Variants in KHDC1 observed in about 807,000 individuals in gnomAD.
The protein encoded by KHDC1 is KH domain containing 1, also known as KH homology domain-containing protein 1.
KHDC1 carries 21 observed loss-of-function variants against 24.7 expected under a neutral mutation model. The observed-to-expected ratio is 0.85, with a 90% CI of 0.60 to 1.23. The LOEUF is 1.23. Ranked by LOEUF, KHDC1 falls within the 50% of genes most tolerant of loss-of-function variation. KHDC1 has a pLI of 0.00. For missense variants in KHDC1, 274 were observed against 298.5 expected (o/e 0.92, Z 0.61); for synonymous variants, 98 against 111.7 (o/e 0.88, Z 0.77).
At chr6:73,265,602 G>A (rs1010989207) in intron 2 of KHDC1, among the ~76,000 whole-genome samples, 34 of 151,164 alleles carry the variant, frequency 2.2e-4, no homozygotes, top group Non-Finnish European at 1.5e-5. Flanking sequence ...TGGGAATGGA[G>A]ACTAAGGGCT....
chr6:73,276,257 C>A (rs1210695909), intron 2 of KHDC1: 1 of 152,050 alleles, frequency 6.6e-6, no homozygotes, highest in African/African-American at 2.4e-5. Context: ...GAGGCTGAGG[C>A]AGGTGGATTG....
intron 1 of KHDC1, among the ~76,000 whole-genome samples, chr6:73,294,858 G>T (rs947684124): frequency 6.6e-6 from 1 of 152,078 alleles, no homozygotes; most frequent in South Asian, 2.1e-4. Context: ...TTCTCATGGT[G>T]TCTGGTCATT....
chr6:73,287,673 TG>T (rs1767549331), intron 2 of KHDC1, among the ~76,000 whole-genome samples: 1 of 152,074 alleles, frequency 6.6e-6, no homozygotes, highest in South Asian at 2.1e-4. Flanking sequence ...TAATATACAC[TG>T]GGAAAAGAGA....
chr6:73,263,080 G>T lies in KHDC1; in HGVS notation c.207-20550C>A. The T allele has an allele frequency of 9.7e-7, 1 of 1,031,612 alleles. No individual in the cohort carries two copies. The highest frequency in any genetic ancestry group is 1.2e-6 in the Non-Finnish European group (1 of 862,294). 63.9% of individuals were successfully genotyped at this position (1,031,612 alleles called of 1,614,324 possible). A position where few individuals can be genotyped will look rare whatever the true frequency, so the allele number is the denominator to read the frequency against. On this transcript the variant is annotated intron_variant, in intron 2 of 4. In the 5' UTR this introduces an upstream ATG that the reference lacks. Coordinates refer to ENST00000370384, the Ensembl canonical transcript of KHDC1. The stretch of plus-strand genomic sequence containing the variant: ...GGCGGCGGCGGCGGCAGCGGCGGCA[G>T]CGGCTGCAGGCCTGGCCGATTGTGA...
chr6:73,265,983 A>G (rs1043800129), intron 2 of KHDC1, among the ~76,000 whole-genome samples: 10 of 152,210 alleles, frequency 6.6e-5, no homozygotes, highest in Non-Finnish European at 1.0e-4. Flanking sequence ...GTGCAGTGCA[A>G]TGGCATTCTA....
intron 2 of KHDC1, among the ~76,000 whole-genome samples, chr6:73,243,280 T>C (rs569646185): frequency 5.9e-5 from 9 of 152,180 alleles, no homozygotes; most frequent in Non-Finnish European, 1.0e-4. Flanking sequence ...TAGCAGGAGA[T>C]GTTTATGTTT....
At chr6:73,257,607 C>G (rs1766903723) in intron 2 of KHDC1, among the ~76,000 whole-genome samples, 1 of 151,886 alleles carries the variant, frequency 6.6e-6, no homozygotes, top group African/African-American at 2.4e-5. Context: ...CCATGTTGGC[C>G]AGGATGGTCT....
At chr6:73,280,516 T>C (rs36110922) in intron 2 of KHDC1, among the ~76,000 whole-genome samples, 45 of 86,414 alleles carry the variant, frequency 5.2e-4, no homozygotes, top group Non-Finnish European at 7.7e-4. Context: ...TTTAATTTCT[T>C]TTTTTTTTTT....
intron 1 of KHDC1, among the ~76,000 whole-genome samples, chr6:73,305,315 T>C (rs1300872505): frequency 7.3e-6 from 1 of 137,302 alleles, no homozygotes; most frequent in Non-Finnish European, 1.6e-5. Flanking sequence ...GGAATTCGCC[T>C]TTCTTAAACT....
chr6:73,289,208 C>G (rs1376386625), intron 2 of KHDC1, among the ~76,000 whole-genome samples: 1 of 151,388 alleles, frequency 6.6e-6, no homozygotes, highest in Admixed American at 6.6e-5. Flanking sequence ...GTGGCACATG[C>G]CTGTAGTCCC....
At chr6:73,265,541 A>AAAAC (rs1767064885) in intron 2 of KHDC1, among the ~76,000 whole-genome samples, 1 of 151,632 alleles carries the variant, frequency 6.6e-6, no homozygotes, top group African/African-American at 2.4e-5. Flanking sequence ...AAAAAAAAAA[A>AAAAC]AAAAAAAAAA....
intron 1 of KHDC1, chr6:73,292,355 T>C (rs1051997917): frequency 2.4e-6 from 2 of 819,544 alleles, no homozygotes; most frequent in Admixed American, 3.4e-5. Context: ...AGATACATTC[T>C]ACACATATGC....
intron 2 of KHDC1, among the ~76,000 whole-genome samples, chr6:73,246,986 G>GC (rs1766680270): frequency 6.8e-6 from 1 of 147,298 alleles, no homozygotes. Context: ...TTTTTTTTCT[G>GC]TTTTTTTTGA....
At chr6:73,285,288 C>G (rs146826900) in intron 2 of KHDC1, among the ~76,000 whole-genome samples, 2 of 151,964 alleles carry the variant, frequency 1.3e-5, no homozygotes, top group African/African-American at 4.8e-5. Context: ...CAGGTTGACT[C>G]TGCTGATTTG....
chr6:73,302,220 T>C (rs545571504), intron 1 of KHDC1, among the ~76,000 whole-genome samples: 2 of 151,660 alleles, frequency 1.3e-5, no homozygotes, highest in East Asian at 3.9e-4. Flanking sequence ...AGCCAGGAGG[T>C]GGAGGTTGTG....
intron 1 of KHDC1, among the ~76,000 whole-genome samples, chr6:73,302,087 A>T (rs1317733719): frequency 6.6e-6 from 1 of 152,106 alleles, no homozygotes. Context: ...CAGGAGTTTG[A>T]GACCAGCCTG....
At chr6:73,263,617 G>C (rs1267200264) in intron 2 of KHDC1, among the ~76,000 whole-genome samples, 1 of 151,512 alleles carries the variant, frequency 6.6e-6, no homozygotes, top group South Asian at 2.1e-4. Context: ...GCGGTGGGGG[G>C]GGGGGTGACC....
intron 2 of KHDC1, among the ~76,000 whole-genome samples, chr6:73,244,313 T>C (rs1259541777): frequency 6.6e-6 from 1 of 152,152 alleles, no homozygotes; most frequent in African/African-American, 2.4e-5. Context: ...GGAAAATTAA[T>C]TCTTCAACAT....
intron 2 of KHDC1, among the ~76,000 whole-genome samples, chr6:73,252,298 C>T (rs535671449): frequency 8.5e-5 from 13 of 152,194 alleles, no homozygotes; most frequent in African/African-American, 3.1e-4. Context: ...CCCTCGTCGA[C>T]CTCCCAAACT....
Sources: gnomAD v4.1 joint callset for allele counts (sites outside exome capture counted in the v4.1 genomes callset) on GRCh38, gnomAD v4.1.1 for gene constraint, MANE v1.5 for transcripts, NCBI Gene and HGNC (gene_info 2026-07-23, HGNC 2026-07-21) for gene names.